The following HEMGN variants were observed in gnomAD, a reference collection of about 807,000 sequenced individuals.
HEMGN encodes the protein hemogen, also known as erythroid differentiation-associated gene protein.
A neutral mutation model predicts 45.7 loss-of-function variants in HEMGN; 32 were observed. The ratio of observed to expected loss-of-function variants is 0.70; its 90% CI spans 0.53 to 0.94. The LOEUF is 0.94. Among genes scored for constraint, HEMGN ranks in the 40% least tolerant of loss-of-function variants. HEMGN has a pLI of 0.00. For missense variants in HEMGN, 530 were observed against 564.2 expected (o/e 0.94, Z 0.61); for synonymous variants, 183 against 178.6 (o/e 1.02, Z -0.20).
At chr9:97,940,796 T>G (rs1268577929), upstream of HEMGN, among the ~76,000 whole-genome samples, 2 of 152,180 alleles carry the variant, frequency 1.3e-5, no homozygotes, top group Non-Finnish European at 2.9e-5. Context: ...CACAGTATGA[T>G]CCGGTGGGAG....
chr9:97,929,901 G>T (rs901077192), intron 3 of HEMGN, 134 bp downstream of exon 3: 17 of 704,774 alleles, frequency 2.4e-5, no homozygotes, highest in Non-Finnish European at 3.6e-5. Flanking sequence ...TGAAAATATT[G>T]TTCACTTAAA....
At chr9:97,928,061 C>G (rs373728992) in intron 3 of HEMGN, among the ~76,000 whole-genome samples, 7 of 143,004 alleles carry the variant, frequency 4.9e-5, no homozygotes, top group Non-Finnish European at 9.0e-5. Context: ...GAGTCTCGCT[C>G]TGTCGCCCAG....
rs2435 is a variant in HEMGN at position 97,930,112 on chromosome 9, T to C, written c.1283A>G (p.Gln428Arg). The C allele has an allele frequency of 8.7e-5, 140 of 1,614,070 alleles. 13 individuals are homozygous for C. Among genetic ancestry groups the C allele is most frequent in the Non-Finnish European group, 8.5e-7 (1 of 1,180,032 alleles). The change falls in exon 3 of 4, where the codon CAA becomes CGA. Residue 428 changes from glutamine (Q) to arginine (R), a missense_variant. Gln to Arg is a conservative substitution (Grantham distance 43). Coordinates refer to ENST00000616898, the MANE Select transcript of HEMGN (RefSeq NM_197978.3). ...VPKECFPEPHQETGGPQGQDP... is the reference protein window; with the variant it reads ...VPKECFPEPHRETGGPQGQDP... ...CTGGCCTTGGGGCCCACCTGTTTCT[T>C]GGTGTGGTTCTGGAAAGCATTCTTT... is the stretch of plus-strand genomic sequence containing the variant.
intron 3 of HEMGN, 101 bp from the exon 4 acceptor site, chr9:97,927,579 A>C: frequency 1.4e-6 from 1 of 707,154 alleles, no homozygotes; most frequent in Non-Finnish European, 2.5e-6. Flanking sequence ...CATACACAAC[A>C]ACAAACCGTA....
At chr9:97,928,023 G>GTT (rs1450038969) in intron 3 of HEMGN, among the ~76,000 whole-genome samples, 9 of 144,318 alleles carry the variant, frequency 6.2e-5, no homozygotes, top group African/African-American at 2.0e-4. Context: ...AAGATCAAGT[G>GTT]TATTTTTTTT....
At chr9:97,928,905 C>T (rs1826887794) in intron 3 of HEMGN, among the ~76,000 whole-genome samples, 1 of 151,888 alleles carries the variant, frequency 6.6e-6, no homozygotes, top group African/African-American at 2.4e-5. Context: ...GGTACTGTCT[C>T]ATTTGTTGAA....
At chr9:97,938,261 T>G (rs943327613), upstream of HEMGN, 13 of 663,394 alleles carry the variant, frequency 2.0e-5, no homozygotes, top group Admixed American at 1.1e-4. Context: ...GCCTGTCACT[T>G]GACTTCCCGC....
At chr9:97,937,261 C>T (rs1232031945) in intron 1 of HEMGN, among the ~76,000 whole-genome samples, 2 of 151,802 alleles carry the variant, frequency 1.3e-5, no homozygotes, top group Non-Finnish European at 2.9e-5. Flanking sequence ...GCAGGATATG[C>T]AGGTTTGTTA....
intron 1 of HEMGN, among the ~76,000 whole-genome samples, chr9:97,943,681 G>T (rs1313214275): frequency 6.6e-6 from 1 of 152,100 alleles, no homozygotes; most frequent in African/African-American, 2.4e-5. Flanking sequence ...GTCCCACCTT[G>T]AGCCTCCCCC....
At chr9:97,932,803 CAAAAAAA>C (rs5899328) in intron 2 of HEMGN, among the ~76,000 whole-genome samples, 1 of 87,292 alleles carries the variant, frequency 1.1e-5, no homozygotes, top group African/African-American at 4.9e-5. Context: ...GACTCTGTCT[CAAAAAAA>C]AAAAAAAAAA....
In HEMGN at chr9:97,926,841, A is replaced by T. The variant is rs1328979463; in HGVS notation, c.*543T>A. The T allele has an allele frequency of 6.5e-6, 1 of 152,778 alleles. No homozygotes were observed. Among genetic ancestry groups the T allele is most frequent in the African/African-American group, 2.4e-5 (1 of 41,572 alleles). 9.5% of individuals were successfully genotyped at this position (152,778 alleles called of 1,614,324 possible). A position where few individuals can be genotyped will look rare whatever the true frequency, so the allele number is the denominator to read the frequency against. On this transcript the variant is annotated 3_prime_UTR_variant, in exon 4 of 4. Transcript: ENST00000616898. The stretch of plus-strand genomic sequence containing the variant: ...TACATTGTGCACAAATACAATATTT[A>T]AAAAATAAAAATAGAAAATCAAAAT...
intron 2 of HEMGN, 137 bp from the exon 3 acceptor site, chr9:97,931,358 T>C: frequency 1.6e-6 from 1 of 631,536 alleles, no homozygotes; most frequent in Non-Finnish European, 2.7e-6. Context: ...TGGGCCTCAA[T>C]CTCCTTGTTT....
At chr9:97,933,387 T>G (rs1321542133) in intron 2 of HEMGN, among the ~76,000 whole-genome samples, 23 of 152,236 alleles carry the variant, frequency 1.5e-4, no homozygotes, top group Admixed American at 1.5e-3. Flanking sequence ...GTTATTATTT[T>G]CATTTTGCAA....
upstream of HEMGN, among the ~76,000 whole-genome samples, chr9:97,938,819 T>C (rs1827110736): frequency 6.6e-6 from 1 of 152,212 alleles, no homozygotes; most frequent in Non-Finnish European, 1.5e-5. Flanking sequence ...AATTAGAATT[T>C]CACAGCAATT....
chr9:97,932,420 T>C (rs534935134), intron 2 of HEMGN, among the ~76,000 whole-genome samples: 29 of 152,244 alleles, frequency 1.9e-4, no homozygotes, highest in African/African-American at 6.5e-4. Flanking sequence ...AAAGTATATA[T>C]GTTCACTTCT....
intron 1 of HEMGN, 95 bp downstream of exon 1, chr9:97,937,963 T>TC: frequency 1.9e-6 from 1 of 514,244 alleles, no homozygotes; most frequent in Non-Finnish European, 3.3e-6. Context: ...TTATTTCCTT[T>TC]TTTTTTTTTT....
chr9:97,927,174 C>T lies in HEMGN; in HGVS notation c.*210G>A, dbSNP rs111865044. 2.3e-5 allele frequency: 4 copies of T among 173,926 alleles called. No homozygotes were observed. Among genetic ancestry groups the T allele is most frequent in the East Asian group, 1.3e-4 (2 of 15,134 alleles). The allele number at this position is 173,926 out of a possible 1,614,324, so 10.8% of individuals were successfully genotyped here. A position where few individuals can be genotyped will look rare whatever the true frequency, so the allele number is the denominator to read the frequency against. The stretch of plus-strand genomic sequence containing the variant: ...TCCCCGACCTATACATACATACACA[C>T]ACACACACACACACACACACACACA... On this transcript the variant is annotated 3_prime_UTR_variant, in exon 4 of 4. Transcript: ENST00000616898.
chr9:97,927,793 A>G (rs1011756977), intron 3 of HEMGN, among the ~76,000 whole-genome samples: 1 of 152,202 alleles, frequency 6.6e-6, no homozygotes, highest in Non-Finnish European at 1.5e-5. Context: ...AAATATTTGC[A>G]ACATATACAT....
chr9:97,943,504 T>C (rs562070437), intron 1 of HEMGN, among the ~76,000 whole-genome samples: 1 of 152,218 alleles, frequency 6.6e-6, no homozygotes, highest in Admixed American at 6.5e-5. Flanking sequence ...CACATATAGA[T>C]AACATGTTCT....
Sources: allele counts gnomAD v4.1 joint callset (sites outside exome capture counted in the v4.1 genomes callset), GRCh38; gene constraint gnomAD v4.1.1; transcripts MANE v1.5; gene names NCBI Gene and HGNC (gene_info 2026-07-23, HGNC 2026-07-21).